KLHL1: variants seen among roughly 807,000 people sequenced by gnomAD.
KLHL1 encodes the protein kelch-like protein 1.
Under a neutral mutation model 77.7 loss-of-function variants are expected in KLHL1, and 47 were observed. The ratio of observed to expected loss-of-function variants is 0.60; its 90% CI spans 0.48 to 0.77. KLHL1 has a LOEUF of 0.77. Among genes scored for constraint, KLHL1 ranks in the 30% least tolerant of loss-of-function variants. The probability of loss-of-function intolerance (pLI) is 0.00; values close to 1 mark genes in which losing one functional copy is unlikely to be tolerated. For missense variants in KLHL1, 925 were observed against 910.8 expected (o/e 1.02, Z -0.20); for synonymous variants, 360 against 325.2 (o/e 1.11, Z -1.15).
chr13:69,947,986 A>G (rs1316472786), intron 3 of KLHL1, among the ~76,000 whole-genome samples: 2 of 152,174 alleles, frequency 1.3e-5, no homozygotes, highest in Non-Finnish European at 2.9e-5. Flanking sequence ...ACATGTTTTT[A>G]GTTAGATGCC....
At chr13:70,011,035 G>C (rs74092329) in intron 1 of KLHL1, among the ~76,000 whole-genome samples, 3,006 of 152,112 alleles carry the variant, frequency 0.02, 98 homozygotes, top group African/African-American at 0.068. Context: ...ATAAATTCAA[G>C]TTTCATAATT....
At chr13:69,713,302 A>T (rs967607640) in intron 9 of KLHL1, among the ~76,000 whole-genome samples, 3 of 152,138 alleles carry the variant, frequency 2.0e-5, no homozygotes, top group Non-Finnish European at 4.4e-5. Context: ...TATGCCTAAC[A>T]CTGGCTAGGT....
intron 1 of KLHL1, among the ~76,000 whole-genome samples, chr13:70,095,406 G>A (rs1003863561): frequency 6.6e-6 from 1 of 152,264 alleles, no homozygotes; most frequent in Non-Finnish European, 1.5e-5. Flanking sequence ...CTTATTTAAT[G>A]TCATTAAGAG....
Position 69,701,261 on chromosome 13 carries a change from C to T in KLHL1, c.*441G>A, listed in dbSNP as rs149248084. ...CACATATGATTAGAAAAACAGTAAA[C>T]CAATCAGATACTGTCAGATGAAATA... On this transcript the variant is annotated 3_prime_UTR_variant, in exon 11 of 11. Coordinates refer to ENST00000377844, the MANE Select transcript of KLHL1 (RefSeq NM_020866.3). The T allele has an allele frequency of 4.0e-3, 605 of 153,080 alleles. 20 individuals are homozygous for T. Among genetic ancestry groups the T allele is most frequent in the Admixed American group, 0.036 (553 of 15,216 alleles). 9.5% of individuals were successfully genotyped at this position (153,080 alleles called of 1,614,324 possible). A position where few individuals can be genotyped will look rare whatever the true frequency, so the allele number is the denominator to read the frequency against.
chr13:69,812,400 G>C (rs1257842368), intron 6 of KLHL1, among the ~76,000 whole-genome samples: 2 of 152,128 alleles, frequency 1.3e-5, no homozygotes, highest in East Asian at 3.8e-4. Flanking sequence ...ATACCATTCA[G>C]AACATAGGCA....
chr13:70,076,384 AATCT>A (rs1887267171), intron 1 of KLHL1, among the ~76,000 whole-genome samples: 1 of 90,386 alleles, frequency 1.1e-5, no homozygotes, highest in Admixed American at 1.4e-4. Context: ...AGGAAAGGAT[AATCT>A]TTTTTTTTTT....
chr13:70,107,165 T>A (rs755922324), intron 1 of KLHL1, 38 bp downstream of exon 1: 2 of 1,542,406 alleles, frequency 1.3e-6, no homozygotes, highest in Admixed American at 2.0e-5. Flanking sequence ...GAGTGGAAAT[T>A]GAGAGATGCT....
intron 7 of KLHL1, among the ~76,000 whole-genome samples, chr13:69,753,914 G>C (rs989824315): frequency 6.6e-6 from 1 of 151,990 alleles, no homozygotes; most frequent in African/African-American, 2.4e-5. Context: ...ACAGTTCACT[G>C]CATCCTTGAC....
intron 3 of KLHL1, among the ~76,000 whole-genome samples, chr13:69,960,216 C>T (rs1593989226): frequency 6.6e-6 from 1 of 150,474 alleles, no homozygotes; most frequent in African/African-American, 2.4e-5. Flanking sequence ...CAGAGTCCTC[C>T]TAGTTCCCAG....
chr13:69,810,525 C>T (rs1370353759), intron 6 of KLHL1, among the ~76,000 whole-genome samples: 1 of 151,776 alleles, frequency 6.6e-6, no homozygotes, highest in Non-Finnish European at 1.5e-5. Flanking sequence ...CTCTGAGGTG[C>T]GGCAAAAGCA....
chr13:69,768,284 T>A (rs911887050), intron 7 of KLHL1, among the ~76,000 whole-genome samples: 2 of 152,182 alleles, frequency 1.3e-5, no homozygotes, highest in Non-Finnish European at 2.9e-5. Context: ...ATGTGTCTTC[T>A]AAGAGACTAC....
At chr13:69,969,648 C>T (rs1224201618) in intron 2 of KLHL1, among the ~76,000 whole-genome samples, 1 of 151,836 alleles carries the variant, frequency 6.6e-6, no homozygotes, top group Non-Finnish European at 1.5e-5. Flanking sequence ...TAAATAATTA[C>T]ATAATATCTT....
chr13:70,025,047 A>G (rs1262568447), intron 1 of KLHL1, among the ~76,000 whole-genome samples: 1 of 152,050 alleles, frequency 6.6e-6, no homozygotes, highest in Non-Finnish European at 1.5e-5. Flanking sequence ...GCATAAGTTT[A>G]GGTTTACATT....
At chr13:69,908,473 C>G (rs1882117846) in intron 4 of KLHL1, among the ~76,000 whole-genome samples, 1 of 147,594 alleles carries the variant, frequency 6.8e-6, no homozygotes, top group South Asian at 2.2e-4. Flanking sequence ...TTCTATAAAC[C>G]CAGAAGGATA....
At chr13:69,994,540 C>T (rs1461866972) in intron 1 of KLHL1, among the ~76,000 whole-genome samples, 1 of 152,094 alleles carries the variant, frequency 6.6e-6, no homozygotes, top group Non-Finnish European at 1.5e-5. Context: ...AAGGGAAAAT[C>T]ACAAGTTCTG....
chr13:69,916,309 T>C (rs1656445866), intron 4 of KLHL1, among the ~76,000 whole-genome samples: 1 of 152,108 alleles, frequency 6.6e-6, no homozygotes, highest in Admixed American at 6.6e-5. Context: ...ATTGTGGCAC[T>C]ATTCACAATA....
At chr13:69,883,783 A>G (rs1881093342) in intron 4 of KLHL1, among the ~76,000 whole-genome samples, 1 of 152,190 alleles carries the variant, frequency 6.6e-6, no homozygotes, top group African/African-American at 2.4e-5. Flanking sequence ...ACTTGTCAAA[A>G]ACTTTCTTAC....
chr13:70,095,880 T>C (rs1270427679), intron 1 of KLHL1, among the ~76,000 whole-genome samples: 1 of 151,420 alleles, frequency 6.6e-6, no homozygotes, highest in Non-Finnish European at 1.5e-5. Flanking sequence ...GTAACCATCA[T>C]TATACACTCT....
At chr13:70,000,677 A>G (rs1175203667) in intron 1 of KLHL1, among the ~76,000 whole-genome samples, 1 of 151,896 alleles carries the variant, frequency 6.6e-6, no homozygotes, top group East Asian at 1.9e-4. Context: ...AGTTCTAAAA[A>G]TATAATTTAA....
Sources: allele counts gnomAD v4.1 joint callset (sites outside exome capture counted in the v4.1 genomes callset), GRCh38; gene constraint gnomAD v4.1.1; transcripts MANE v1.5; gene names NCBI Gene and HGNC (gene_info 2026-07-23, HGNC 2026-07-21).